The following ADGRL2 variants were observed in gnomAD, a reference collection of about 807,000 sequenced individuals.
ADGRL2 encodes calcium-independent alpha-latrotoxin receptor 2.
A neutral mutation model predicts 157.4 loss-of-function variants in ADGRL2; 44 were observed. The ratio of observed to expected loss-of-function variants is 0.28; its 90% confidence interval spans 0.22 to 0.36. ADGRL2 has a LOEUF of 0.36. Ranked by LOEUF, ADGRL2 falls within the 10% of genes least tolerant of loss-of-function variation. ADGRL2 has a pLI of 1.00. For missense variants in ADGRL2, 1,510 were observed against 1,768.9 expected (o/e 0.85, Z 2.63); for synonymous variants, 585 against 624.7 (o/e 0.94, Z 0.95).
intron 1 of ADGRL2, among the ~76,000 whole-genome samples, chr1:81,804,931 G>A (rs1210828958): frequency 6.6e-6 from 1 of 152,138 alleles, no homozygotes; most frequent in Non-Finnish European, 1.5e-5. Context: ...AAAAGTCAGC[G>A]GAGGATGCTG....
chr1:81,680,424 C>T lies in ADGRL2; in HGVS notation c.-142-81387C>T, dbSNP rs1382412086. On this transcript the variant is annotated intron_variant, in intron 3 of 24. Transcript: ENST00000370721. ...TACATTTATTGAGTAGGGCAGCAGC[C>T]GAAAATGGAAATGAAACCGGAATGT... 2.0e-5 allele frequency among the ~76,000 whole-genome samples: 3 copies of T among 152,036 alleles called. No homozygotes were observed. The East Asian group carries it at 5.8e-4, about 30-fold the overall frequency.
intron 1 of ADGRL2, among the ~76,000 whole-genome samples, chr1:81,821,225 A>G (rs569201663): frequency 3.9e-5 from 6 of 152,206 alleles, no homozygotes; most frequent in Non-Finnish European, 5.9e-5. Flanking sequence ...AGTTTTGACA[A>G]TCTTAACAAG....
chr1:81,660,039 A>G (rs909648159), intron 3 of ADGRL2, among the ~76,000 whole-genome samples: 1 of 152,148 alleles, frequency 6.6e-6, no homozygotes, highest in Non-Finnish European at 1.5e-5. Flanking sequence ...CCTTTTGACA[A>G]TCTATCACCA....
At position 81,555,271 on chromosome 1, in the gene ADGRL2, T is replaced by C. The variant is rs562175918; in HGVS notation, c.-247-25605T>C. Among the ~76,000 whole-genome samples the C allele has an allele frequency of 2.7e-3, 403 of 150,076 alleles. 2 individuals carry two copies. Among genetic ancestry groups the C allele is most frequent in the African/African-American group, 9.2e-3 (375 of 40,906 alleles). Reference sequence around the variant, plus strand: ...GCTGGTCTCTATTTCTTTTCTTTTTTTTTTTTTTTTTTTGAGATGGAGTTT... The same window carrying C: ...GCTGGTCTCTATTTCTTTTCTTTTTCTTTTTTTTTTTTTGAGATGGAGTTT... On this transcript the variant is annotated intron_variant, in intron 2 of 24. Transcript: ENST00000370721.
intron 2 of ADGRL2, among the ~76,000 whole-genome samples, chr1:81,775,492 T>C (rs2086543097): frequency 6.6e-6 from 1 of 152,090 alleles, no homozygotes; most frequent in Non-Finnish European, 1.5e-5. Flanking sequence ...TTTGAACCTA[T>C]TATACCAAAC....
intron 2 of ADGRL2, among the ~76,000 whole-genome samples, chr1:81,540,541 A>C (rs1476158124): frequency 1.3e-5 from 2 of 152,236 alleles, no homozygotes; most frequent in African/African-American, 2.4e-5. Flanking sequence ...AGCTTTAGAT[A>C]GGGTGATCAC....
At chr1:81,591,150 T>C (rs1185461659) in intron 3 of ADGRL2, among the ~76,000 whole-genome samples, 1 of 152,188 alleles carries the variant, frequency 6.6e-6, no homozygotes, top group African/African-American at 2.4e-5. Context: ...ATCTGCCTCA[T>C]TTGAAACCTT....
At chr1:81,672,514 G>C (rs576807731) in intron 3 of ADGRL2, among the ~76,000 whole-genome samples, 1 of 152,286 alleles carries the variant, frequency 6.6e-6, no homozygotes, top group East Asian at 1.9e-4. Context: ...CTTGTATTGA[G>C]AGAAATTCAG....
At chr1:81,514,210 G>T (rs1474375494) in intron 2 of ADGRL2, among the ~76,000 whole-genome samples, 4 of 152,140 alleles carry the variant, frequency 2.6e-5, no homozygotes, top group Non-Finnish European at 1.5e-5. Flanking sequence ...TTTTACCTAG[G>T]TGGTATGGTT....
At chr1:81,681,936 A>G (rs1428749585) in intron 3 of ADGRL2, among the ~76,000 whole-genome samples, 1 of 152,236 alleles carries the variant, frequency 6.6e-6, no homozygotes, top group African/African-American at 2.4e-5. Context: ...AAATGATAAG[A>G]AAATGAGCAA....
chr1:81,423,280 G>A (rs945307170), intron 1 of ADGRL2, among the ~76,000 whole-genome samples: 2 of 152,186 alleles, frequency 1.3e-5, no homozygotes, highest in Non-Finnish European at 2.9e-5. Flanking sequence ...ATATAGGACT[G>A]TACTCATATT....
chr1:81,370,117 C>CAA lies in ADGRL2; in HGVS notation c.-302+63609_-302+63610dup, dbSNP rs1318804481. Among the ~76,000 whole-genome samples, 6 of 151,884 alleles carry CAA rather than the reference C, an allele frequency of 4.0e-5. No homozygotes were observed. The South Asian group carries it at 1.3e-3, about 32-fold the overall frequency. ...ACAGTGAAACAAAGTGGTTTGGACA[C>CAA]AATTTGGAGGGGAACTGCCAGAAAA... On this transcript the variant is annotated intron_variant, in intron 1 of 24. Coordinates refer to the ADGRL2 transcript ENST00000370721.
chr1:81,800,232 C>T (rs988083360), upstream of ADGRL2, among the ~76,000 whole-genome samples: 1 of 152,082 alleles, frequency 6.6e-6, no homozygotes, highest in African/African-American at 2.4e-5. Flanking sequence ...GAAATATAGT[C>T]AATAAAGTCA....
intron 2 of ADGRL2, among the ~76,000 whole-genome samples, chr1:81,532,961 TATCTATCTATC>T (rs904856868): frequency 1.3e-5 from 2 of 148,492 alleles, no homozygotes; most frequent in African/African-American, 5.1e-5. Flanking sequence ...TCTATCTATC[TATCTATCTATC>T]ATCTATCTAT....
chr1:81,687,640 T>A (rs1486978108), intron 3 of ADGRL2, among the ~76,000 whole-genome samples: 1 of 152,206 alleles, frequency 6.6e-6, no homozygotes, highest in Admixed American at 6.5e-5. Flanking sequence ...TTACATTCAA[T>A]GTTAGTATTG....
In ADGRL2 at chr1:81,966,400, C is replaced by T. The variant is rs1329598185; in HGVS notation, c.2144-4C>T. The T allele has an allele frequency of 1.2e-6, 2 of 1,613,514 alleles. No homozygotes were observed. Among genetic ancestry groups the T allele is most frequent in the Admixed American group, 3.3e-5 (2 of 60,000 alleles). The stretch of plus-strand genomic sequence containing the variant: ...ACATCATGTGACTATTTTTACCTTC[C>T]TAGGGCTTGCAAAGTTGGTGTTCAT... On this transcript the variant is annotated splice_region_variant and splice_polypyrimidine_tract_variant and intron_variant, in intron 12 of 23. Coordinates refer to ENST00000686636, the MANE Select transcript of ADGRL2 (RefSeq NM_001366006.2).
intron 1 of ADGRL2, among the ~76,000 whole-genome samples, chr1:81,321,377 G>A (rs1660487230): frequency 6.6e-6 from 1 of 152,150 alleles, no homozygotes; most frequent in Non-Finnish European, 1.5e-5. Flanking sequence ...GCATTCCCAA[G>A]TTGGCTAACT....
Position 81,321,735 on chromosome 1 carries a change from C to T in ADGRL2, c.-302+15226C>T, listed in dbSNP as rs116798932. Among the ~76,000 whole-genome samples, 263 of 151,442 alleles carry T rather than the reference C, an allele frequency of 1.7e-3. 1 individual carries two copies. Among genetic ancestry groups the T allele is most frequent in the Non-Finnish European group, 2.3e-3 (155 of 67,946 alleles). ...TAGTCACATCAAAGATCACTGATCA[C>T]AGATCATTGTCACAGATATAATAAA... On this transcript the variant is annotated intron_variant, in intron 1 of 24. Transcript: ENST00000370721.
intron 3 of ADGRL2, among the ~76,000 whole-genome samples, chr1:81,655,285 C>T (rs1395255917): frequency 6.6e-6 from 1 of 152,200 alleles, no homozygotes; most frequent in Non-Finnish European, 1.5e-5. Context: ...CAGGCGTGAG[C>T]CACCGTGCCC....
Sources: allele counts gnomAD v4.1 joint callset (sites outside exome capture counted in the v4.1 genomes callset), GRCh38; gene constraint gnomAD v4.1.1; transcripts MANE v1.5; gene names NCBI Gene and HGNC (gene_info 2026-07-23, HGNC 2026-07-21).